The following NAAA variants were observed in gnomAD, a reference collection of about 807,000 sequenced individuals.
NAAA encodes the protein N-acylethanolamine acid amidase.
A neutral mutation model predicts 44.8 loss-of-function variants in NAAA; 39 were observed. The ratio of observed to expected loss-of-function variants is 0.87; its 90% CI spans 0.67 to 1.14. NAAA has a LOEUF of 1.14. Among genes scored for constraint, NAAA ranks in the 50% most tolerant of loss-of-function variants. The probability of loss-of-function intolerance (pLI) is 0.00; values close to 1 mark genes in which losing one functional copy is unlikely to be tolerated. For synonymous variants in NAAA, 178 were observed against 191.3 expected (o/e 0.93, Z 0.58); for missense variants, 460 against 467.8 (o/e 0.98, Z 0.15).
intron 2 of NAAA, among the ~76,000 whole-genome samples, chr4:75,937,713 C>A (rs1039474953): frequency 2.0e-5 from 3 of 152,186 alleles, no homozygotes; most frequent in Non-Finnish European, 2.9e-5. Context: ...GTCTCGAACT[C>A]CTGGGCTCAA....
chr4:75,921,009 T>A lies in NAAA; in HGVS notation c.781A>T (p.Ile261Phe). 4 of 1,611,532 alleles carry A rather than the reference T, an allele frequency of 2.5e-6. No homozygotes were observed. The South Asian group carries it at 4.4e-5, about 18-fold the overall frequency. Residue 261 changes from isoleucine to phenylalanine, a missense_variant, in exon 6 of 11, where the codon ATC (isoleucine) becomes TTC (phenylalanine). Ile to Phe is a conservative substitution (Grantham distance 21). Transcript: ENST00000286733. ...GCTGGGCCATCTCTGTTCCTCGTGA[T>A]GACCACCCCCTCCCGGGGGGACGTG... is the stretch of plus-strand genomic sequence containing the variant. Reference protein sequence around the residue: ...GGTSPREGVVITRNRDGPADI... With the variant: ...GGTSPREGVVFTRNRDGPADI...
At chr4:75,917,180 G>T (rs1725704809) in intron 9 of NAAA, 6 of 712,600 alleles carry the variant, frequency 8.4e-6, no homozygotes, top group Non-Finnish European at 1.0e-5. Flanking sequence ...GGGCAACATT[G>T]TGCCCCGCTA....
intron 7 of NAAA, 106 bp downstream of exon 7, chr4:75,920,632 T>C: frequency 7.2e-7 from 1 of 1,384,464 alleles, no homozygotes; most frequent in Middle Eastern, 1.8e-4. Flanking sequence ...GTACATTTTC[T>C]GGGAGAGGAT....
chr4:75,921,039 C>T lies in NAAA; in HGVS notation c.751G>A (p.Gly251Ser), dbSNP rs1401910345. 9 of 1,606,630 alleles carry T rather than the reference C, an allele frequency of 5.6e-6. No individual in the cohort carries two copies. The highest frequency in any genetic ancestry group is 6.8e-6 in the Non-Finnish European group (8 of 1,178,502). Residue 251 changes from glycine (G) to serine (S), a missense_variant, in exon 6 of 11, where the codon GGT becomes AGT. By Grantham distance (56) the Gly-to-Ser change is moderately conservative. Transcript: ENST00000286733. Reference sequence around the variant, plus strand: ...ACCCCCTCCCGGGGGGACGTGCCACCAACAATGTAATAAACATCAGCAATA... The same window carrying T: ...ACCCCCTCCCGGGGGGACGTGCCACTAACAATGTAATAAACATCAGCAATA... ...PLIADVYYIV[G>S]GTSPREGVVI... is the part of the protein sequence containing the mutation.
At chr4:75,912,688 C>G (rs754847253), downstream of NAAA, among the ~76,000 whole-genome samples, 1 of 151,958 alleles carries the variant, frequency 6.6e-6, no homozygotes, top group Non-Finnish European at 1.5e-5. Flanking sequence ...ACACAAGAAT[C>G]GCTTGAACCC....
At chr4:75,929,038 C>T (rs190598844) in intron 4 of NAAA, among the ~76,000 whole-genome samples, 6 of 152,012 alleles carry the variant, frequency 3.9e-5, no homozygotes, top group African/African-American at 1.2e-4. Flanking sequence ...GTGATCCACC[C>T]GCCTCGGCCT....
chr4:75,916,887 T>C (rs111330011), intron 9 of NAAA: 12,699 of 151,686 alleles, frequency 0.084, 911 homozygotes, highest in African/African-American at 0.19. Context: ...TCGAGTGATT[T>C]TCCTGCCTCC....
At position 75,913,687 on chromosome 4, in the gene NAAA, GCCAACATT is replaced by G; in HGVS notation, c.*680_*687del. On this transcript the variant is annotated 3_prime_UTR_variant, in exon 11 of 11. Transcript: ENST00000286733. ...TCTTGGAAATTTTTTTATTCTCCTT[GCCAACATT>G]TCTTTTGACATTTTATTACTTAATT... is the stretch of plus-strand genomic sequence containing the variant. 1.0e-6 allele frequency: 1 copy of G among 982,560 alleles called. No individual in the cohort carries two copies. Among genetic ancestry groups the G allele is most frequent in the African/African-American group, 1.7e-5 (1 of 57,224 alleles). The allele number at this position is 982,560 out of a possible 1,614,324, so 60.9% of individuals were successfully genotyped here.
intron 9 of NAAA, chr4:75,917,837 A>G (rs564887043): frequency 7.9e-5 from 30 of 377,876 alleles, no homozygotes; most frequent in South Asian, 5.9e-4. Flanking sequence ...TAGGCTATAC[A>G]CTAGAGAAAC....
chr4:75,922,592 C>A (rs938739700), intron 5 of NAAA, among the ~76,000 whole-genome samples: 1 of 152,208 alleles, frequency 6.6e-6, no homozygotes, highest in African/African-American at 2.4e-5. Context: ...TTCTACATGG[C>A]ATTCCATACT....
intron 2 of NAAA, among the ~76,000 whole-genome samples, chr4:75,937,158 T>C (rs988701118): frequency 2.6e-5 from 4 of 152,182 alleles, no homozygotes; most frequent in Non-Finnish European, 4.4e-5. Flanking sequence ...CAGTGGCTCA[T>C]GCCTGTAATC....
rs370060764 is a variant in NAAA, at chr4:75,925,038, C to T, written c.666+697G>A. Among the ~76,000 whole-genome samples, 6 of 151,640 alleles carry T rather than the reference C, an allele frequency of 4.0e-5. No individual in the cohort carries two copies. The East Asian group carries it at 1.2e-3, about 29-fold the overall frequency. ...CGGAGTTTTGCTCTTATTGACCAGGCTGGAGTTCAGTGGCACCATCTCGGC... is the reference window on the plus strand; with the variant it reads ...CGGAGTTTTGCTCTTATTGACCAGGTTGGAGTTCAGTGGCACCATCTCGGC... On this transcript the variant is annotated intron_variant, in intron 5 of 10. Coordinates refer to ENST00000286733, the MANE Select transcript of NAAA (RefSeq NM_014435.4).
At chr4:75,925,221 G>C (rs1397875816) in intron 5 of NAAA, among the ~76,000 whole-genome samples, 3 of 152,124 alleles carry the variant, frequency 2.0e-5, no homozygotes, top group African/African-American at 4.8e-5. Flanking sequence ...ATTTTAAGTA[G>C]AGACAGGGTT....
chr4:75,923,544 CTT>C (rs980320858), intron 5 of NAAA, among the ~76,000 whole-genome samples: 7 of 142,916 alleles, frequency 4.9e-5, no homozygotes, highest in Non-Finnish European at 4.6e-5. Flanking sequence ...CTTCTTTTTT[CTT>C]TTTTTTTTTT....
downstream of NAAA, among the ~76,000 whole-genome samples, chr4:75,912,710 T>G (rs112575109): frequency 0.078 from 11,886 of 151,772 alleles, 773 homozygotes; most frequent in African/African-American, 0.18. Context: ...GGAGGCAGAG[T>G]TTGCAGTGGG....
At chr4:75,923,790 G>A (rs766850282) in intron 5 of NAAA, among the ~76,000 whole-genome samples, 8 of 151,988 alleles carry the variant, frequency 5.3e-5, no homozygotes, top group South Asian at 4.2e-4. Flanking sequence ...TCTCTGCCTC[G>A]GCCTCCCAAA....
intron 2 of NAAA, among the ~76,000 whole-genome samples, chr4:75,937,952 T>C (rs137995149): frequency 4.1e-4 from 63 of 152,336 alleles, no homozygotes; most frequent in African/African-American, 1.5e-3. Flanking sequence ...TGTTGTAGTG[T>C]GATGCAGCAG....
At chr4:75,925,833 T>TTA (rs763706323) in intron 4 of NAAA, 22 bp from the exon 5 acceptor site, 2 of 1,604,142 alleles carry the variant, frequency 1.2e-6, no homozygotes, top group Admixed American at 3.3e-5. Flanking sequence ...AGTATATATG[T>TTA]TATATATGTG....
chr4:75,936,011 C>T (rs4859570), intron 3 of NAAA, 98 bp downstream of exon 3: 318,591 of 1,437,076 alleles, frequency 0.22, 37,807 homozygotes, highest in East Asian at 0.34. Flanking sequence ...TTGTGTCTTA[C>T]ACTGATAACA....
Sources: gnomAD v4.1 joint callset for allele counts (sites outside exome capture counted in the v4.1 genomes callset) on GRCh38, gnomAD v4.1.1 for gene constraint, MANE v1.5 for transcripts, NCBI Gene and HGNC (gene_info 2026-07-23, HGNC 2026-07-21) for gene names.